CERS6: variants seen among roughly 807,000 people sequenced by gnomAD.
CERS6 encodes the protein ceramide synthase 6, also known as LAG1 homolog, ceramide synthase 6.
A neutral mutation model predicts 56.8 loss-of-function variants in CERS6; 26 were observed. The ratio of observed to expected loss-of-function variants is 0.46; its 90% CI spans 0.34 to 0.63. The LOEUF is 0.63. CERS6 is among the 30% of genes least tolerant of loss of function. The pLI, the probability that CERS6 is intolerant of heterozygous loss-of-function variation, is 0.01. For synonymous variants in CERS6, 164 were observed against 173.3 expected (o/e 0.95, Z 0.42); for missense variants, 415 against 467.5 (o/e 0.89, Z 1.04).
At position 168,556,575 on chromosome 2, in the gene CERS6, A is replaced by G. The variant is rs117877727; in HGVS notation, c.277-4617A>G. 5.3e-5 allele frequency among the ~76,000 whole-genome samples: 8 copies of G among 152,290 alleles called. No individual in the cohort carries two copies. In the East Asian group the frequency reaches 1.3e-3, roughly 26 times the overall value. ...GCAAGAGAAAGAAAATAAAGTCATA[A>G]AAATTGGAAAGTAGGTGACAAAACT... On this transcript the variant is annotated intron_variant, in intron 2 of 9. Coordinates refer to ENST00000305747, the MANE Select transcript of CERS6 (RefSeq NM_203463.3).
chr2:168,614,582 G>A (rs1383653628), intron 3 of CERS6, among the ~76,000 whole-genome samples: 1 of 152,124 alleles, frequency 6.6e-6, no homozygotes, highest in Non-Finnish European at 1.5e-5. Flanking sequence ...GCTGGGTGAT[G>A]CCTGTAATTG....
At chr2:168,543,496 T>A (rs1695410381) in intron 1 of CERS6, among the ~76,000 whole-genome samples, 1 of 25,658 alleles carries the variant, frequency 3.9e-5, no homozygotes, top group Admixed American at 3.9e-4. Flanking sequence ...TTACATGGTC[T>A]AATGGACCAT....
rs554662730 is a variant in CERS6 at position 168,602,180 on chromosome 2, T to C, written c.408-28805T>C. Among the ~76,000 whole-genome samples the C allele has an allele frequency of 3.3e-5, 5 of 152,346 alleles. No individual in the cohort carries two copies. The East Asian group carries it at 9.6e-4, about 29-fold the overall frequency. On this transcript the variant is annotated intron_variant, in intron 3 of 9. Coordinates refer to ENST00000305747, the MANE Select transcript of CERS6 (RefSeq NM_203463.3). ...AGCATTGGCCGATTCTTTTTTCTCT[T>C]TCTCTCTTTTAGAAGATGTAAGGGA...
chr2:168,761,699 G>C (rs945240230), intron 8 of CERS6, among the ~76,000 whole-genome samples: 2 of 152,052 alleles, frequency 1.3e-5, no homozygotes, highest in Non-Finnish European at 2.9e-5. Context: ...TGTCTTGCAG[G>C]GTGCTGGAGA....
chr2:168,524,270 T>A (rs1274025854), intron 1 of CERS6, among the ~76,000 whole-genome samples: 1 of 152,226 alleles, frequency 6.6e-6, no homozygotes, highest in Non-Finnish European at 1.5e-5. Flanking sequence ...CTTAGAATGC[T>A]CATGACTTAC....
chr2:168,756,403 G>C (rs182806033), intron 8 of CERS6, among the ~76,000 whole-genome samples: 26 of 152,312 alleles, frequency 1.7e-4, no homozygotes, highest in African/African-American at 6.0e-4. Context: ...CTTTGGTTTT[G>C]TGTCTTGAAT....
chr2:168,481,314 C>G (rs1015610167), intron 1 of CERS6, among the ~76,000 whole-genome samples: 3 of 152,162 alleles, frequency 2.0e-5, no homozygotes, highest in Non-Finnish European at 4.4e-5. Context: ...ACTCTGGAGG[C>G]TGAGGCAGGA....
At chr2:168,706,066 C>T (rs1686933322) in intron 6 of CERS6, among the ~76,000 whole-genome samples, 1 of 152,112 alleles carries the variant, frequency 6.6e-6, no homozygotes, top group Non-Finnish European at 1.5e-5. Context: ...TGATAGAGAG[C>T]TTCTGAGGAT....
chr2:168,591,533 A>G (rs1205736283), intron 3 of CERS6, among the ~76,000 whole-genome samples: 1 of 152,246 alleles, frequency 6.6e-6, no homozygotes, highest in Non-Finnish European at 1.5e-5. Context: ...ATTAGTTTTA[A>G]CATTAGACTT....
intron 8 of CERS6, among the ~76,000 whole-genome samples, chr2:168,734,369 C>T (rs992926517): frequency 5.3e-5 from 8 of 152,332 alleles, no homozygotes; most frequent in African/African-American, 1.4e-4. Context: ...TTTCAGCTAA[C>T]TGTGCCCATC....
At chr2:168,629,745 CTTG>C (rs1684668425) in intron 3 of CERS6, among the ~76,000 whole-genome samples, 1 of 152,060 alleles carries the variant, frequency 6.6e-6, no homozygotes, top group Non-Finnish European at 1.5e-5. Flanking sequence ...CAAACAGAAA[CTTG>C]TTATCACTCT....
intron 1 of CERS6, among the ~76,000 whole-genome samples, chr2:168,535,963 C>T (rs562746885): frequency 6.6e-6 from 1 of 151,800 alleles, no homozygotes; most frequent in South Asian, 2.1e-4. Context: ...GCCTACTTAA[C>T]GTCTTTTGCC....
At chr2:168,632,159 C>T (rs1023872164) in intron 4 of CERS6, among the ~76,000 whole-genome samples, 1 of 151,850 alleles carries the variant, frequency 6.6e-6, no homozygotes, top group South Asian at 2.1e-4. Context: ...CCTATCTTCT[C>T]ATAGTCGTAC....
chr2:168,644,612 A>G lies in CERS6; in HGVS notation c.465+13570A>G, dbSNP rs187522042. Among the ~76,000 whole-genome samples the G allele has an allele frequency of 2.6e-5, 4 of 152,320 alleles. No individual in the cohort carries two copies. In the East Asian group the frequency reaches 7.7e-4, roughly 29 times the overall value. Reference sequence around the variant, plus strand: ...TTGTCCCTGGCATTGGTCCACATGCAGGTGAAACAGCTTCTTGTGTATCAC... The same window carrying G: ...TTGTCCCTGGCATTGGTCCACATGCGGGTGAAACAGCTTCTTGTGTATCAC... On this transcript the variant is annotated intron_variant, in intron 4 of 9. Coordinates refer to ENST00000305747, the MANE Select transcript of CERS6 (RefSeq NM_203463.3).
At chr2:168,488,653 A>G (rs1461984122) in intron 1 of CERS6, among the ~76,000 whole-genome samples, 4 of 151,722 alleles carry the variant, frequency 2.6e-5, no homozygotes, top group Non-Finnish European at 5.9e-5. Context: ...CTTTTGGGTT[A>G]TTTGAATCTT....
intron 1 of CERS6, among the ~76,000 whole-genome samples, chr2:168,544,479 G>A (rs1035760780): frequency 3.3e-5 from 5 of 152,160 alleles, no homozygotes; most frequent in Admixed American, 1.3e-4. Context: ...GCCTGGTCCT[G>A]CTCTCTTGGG....
At chr2:168,631,119 G>A in intron 4 of CERS6, 77 bp downstream of exon 4, 1 of 603,480 alleles carries the variant, frequency 1.7e-6, no homozygotes, top group Non-Finnish European at 2.9e-6. Context: ...TTTAATGTGT[G>A]ACTGTAATAA....
chr2:168,480,822 A>G (rs1242441484), intron 1 of CERS6, among the ~76,000 whole-genome samples: 1 of 152,218 alleles, frequency 6.6e-6, no homozygotes, highest in Admixed American at 6.5e-5. Context: ...GAGTAGACAT[A>G]TATCTAAGTC....
At chr2:168,654,993 C>A (rs1222375726) in intron 4 of CERS6, among the ~76,000 whole-genome samples, 1 of 152,076 alleles carries the variant, frequency 6.6e-6, no homozygotes, top group Admixed American at 6.5e-5. Flanking sequence ...TACAGTCATG[C>A]ACAAAAGCCT....
Sources: gnomAD v4.1 joint callset for allele counts (sites outside exome capture counted in the v4.1 genomes callset) on GRCh38, gnomAD v4.1.1 for gene constraint, MANE v1.5 for transcripts, NCBI Gene and HGNC (gene_info 2026-07-23, HGNC 2026-07-21) for gene names.